ZNF554: variants seen among roughly 807,000 people sequenced by gnomAD.
ZNF554 encodes the protein zinc finger protein 554.
In ZNF554, 15 loss-of-function variants were observed where a neutral mutation model predicts 21.2. The ratio of observed to expected loss-of-function variants is 0.71; its 90% CI spans 0.47 to 1.09. ZNF554 has a LOEUF of 1.09. Among genes scored for constraint, ZNF554 ranks in the 50% least tolerant of loss-of-function variants. The probability of loss-of-function intolerance (pLI) is 0.00; values close to 1 mark genes in which losing one functional copy is unlikely to be tolerated. For synonymous variants in ZNF554, 258 were observed against 251.4 expected (o/e 1.03, Z -0.25); for missense variants, 691 against 662.7 (o/e 1.04, Z -0.47).
rs1028333061 is a variant in ZNF554, at chr19:2,821,811, A to G, written c.54-1229A>G. Among the ~76,000 whole-genome samples, 2 of 151,632 alleles carry G rather than the reference A, an allele frequency of 1.3e-5. No homozygotes were observed. Among genetic ancestry groups the G allele is most frequent in the Admixed American group, 6.6e-5 (1 of 15,234 alleles). On this transcript the variant is annotated intron_variant, in intron 1 of 4. Coordinates refer to ENST00000317243, the MANE Select transcript of ZNF554 (RefSeq NM_001102651.2). This position sits in a 1 kb window ranked among gnomAD's most constrained non-coding sequence, Gnocchi z 8.2. Reference sequence around the variant, plus strand: ...CTCGAGTAGCTGGGATTACAGGTGCACGCCACCACACCCAGCTAATTTTTG... The same window carrying G: ...CTCGAGTAGCTGGGATTACAGGTGCGCGCCACCACACCCAGCTAATTTTTG...
rs75805232 is a variant in ZNF554 at position 2,826,205 on chromosome 19, CT to C, written c.127-1395del. The C allele has an allele frequency of 5.2e-3, 484 of 93,766 alleles. 9 individuals carry two copies. The highest frequency in any genetic ancestry group is 0.018 in the African/African-American group (418 of 23,458). 5.8% of individuals were successfully genotyped at this position (93,766 alleles called of 1,614,324 possible). On this transcript the variant is annotated intron_variant, in intron 2 of 4. Transcript: ENST00000317243. ...GTGAGCCACCGTGCCCAGCCAGTAA[CT>C]TTTTTTTTTTTTTTTTGAAATGGAG...
intron 2 of ZNF554, among the ~76,000 whole-genome samples, chr19:2,826,625 C>T (rs1161360995): frequency 6.6e-6 from 1 of 151,906 alleles, no homozygotes; most frequent in African/African-American, 2.4e-5. Context: ...AAAGCTTTTG[C>T]CATATTTCAG....
At chr19:2,820,627 G>A (rs1290491076) in intron 1 of ZNF554, among the ~76,000 whole-genome samples, 1 of 151,216 alleles carries the variant, frequency 6.6e-6, no homozygotes, top group African/African-American at 2.4e-5. Context: ...GCGCCCTGAG[G>A]GAGAGACCTC....
In ZNF554 at chr19:2,834,471, CTG is replaced by C. The variant is rs2087470208; in HGVS notation, c.1239_1240del (p.Cys413TrpfsTer27). Reference sequence around the variant, plus strand: ...GGGAAAAGCCCTATAAATGTGAAGACTGTGGGAAATCCTTCTGCCAGAGCTCT... The same window carrying C: ...GGGAAAAGCCCTATAAATGTGAAGACTGGGAAATCCTTCTGCCAGAGCTCT... ...TGEKPYKCED[C>X]GKSFCQSSYL... On this transcript the variant is annotated frameshift_variant, in exon 5 of 5. Transcript: ENST00000317243. LOFTEE classifies it low-confidence loss of function (END_TRUNC). The C allele has an allele frequency of 3.7e-6, 6 of 1,614,046 alleles. No homozygotes were observed. The highest frequency in any genetic ancestry group is 4.5e-5 in the East Asian group (2 of 44,882).
chr19:2,820,822 G>A (rs369431300), intron 1 of ZNF554, among the ~76,000 whole-genome samples: 9 of 150,636 alleles, frequency 6.0e-5, no homozygotes, highest in Non-Finnish European at 8.8e-5. Context: ...ATGCCACCAC[G>A]CCCGGCTAAT....
chr19:2,820,243 C>G lies in ZNF554; in HGVS notation c.53+119C>G, dbSNP rs187255322. Reference sequence around the variant, plus strand: ...TGACCCTGTCGCGATAGGGTCCCCACGGGAGGGTCGGGAGCCGGCAGCTCG... The same window carrying G: ...TGACCCTGTCGCGATAGGGTCCCCAGGGGAGGGTCGGGAGCCGGCAGCTCG... On this transcript the variant is annotated intron_variant, in intron 1 of 4. Transcript: ENST00000317243. The G allele has an allele frequency of 9.9e-5, 91 of 919,510 alleles. No individual in the cohort carries two copies. The African/African-American group carries it at 1.6e-3, about 16-fold the overall frequency. 57.0% of individuals were successfully genotyped at this position (919,510 alleles called of 1,614,324 possible).
intron 1 of ZNF554, among the ~76,000 whole-genome samples, chr19:2,820,853 C>T (rs949214293): frequency 6.6e-6 from 1 of 150,594 alleles, no homozygotes; most frequent in Non-Finnish European, 1.5e-5. Context: ...TTAGTAGAGA[C>T]GGGGTTTCAC....
In ZNF554 at chr19:2,819,987, C is replaced by G; in HGVS notation, c.-85C>G. The G allele has an allele frequency of 9.3e-7, 1 of 1,075,250 alleles. No homozygotes were observed. Among genetic ancestry groups the G allele is most frequent in the Non-Finnish European group, 1.2e-6 (1 of 857,808 alleles). The allele number at this position is 1,075,250 out of a possible 1,614,324, so 66.6% of individuals were successfully genotyped here. A position where few individuals can be genotyped will look rare whatever the true frequency, so the allele number is the denominator to read the frequency against. Reference sequence around the variant, plus strand: ...CGAGGAGCCGAGCGGAGGAGGCGTCCCAGGGACACGCAGGGGAGGCCGGCC... The same window carrying G: ...CGAGGAGCCGAGCGGAGGAGGCGTCGCAGGGACACGCAGGGGAGGCCGGCC... On this transcript the variant is annotated 5_prime_UTR_variant, in exon 1 of 5. Coordinates refer to ENST00000317243, the MANE Select transcript of ZNF554 (RefSeq NM_001102651.2).
chr19:2,830,831 T>C (rs1000213156), intron 3 of ZNF554: 1 of 152,154 alleles, frequency 6.6e-6, no homozygotes, highest in Non-Finnish European at 1.5e-5. Flanking sequence ...TGGTACAATC[T>C]AGGCTCACCA....
At position 2,834,552 on chromosome 19, in the gene ZNF554, T is replaced by G. The variant is rs367579691; in HGVS notation, c.1317T>G (p.Ser439Arg). ...THTGEKPYEC[S>R]ECGKAFSDRS... is the part of the protein sequence containing the mutation. ...CCGGAGAGAAGCCCTACGAATGCAG[T>G]GAATGTGGAAAGGCCTTCAGTGACC... Residue 439 changes from serine to arginine, a missense_variant, in exon 5 of 5, where the codon AGT becomes AGG. Ser to Arg is a moderately radical substitution (Grantham distance 110). Transcript: ENST00000317243. 1 of 1,613,922 alleles carries G rather than the reference T, an allele frequency of 6.2e-7. No homozygotes were observed. Among genetic ancestry groups the G allele is most frequent in the East Asian group, 2.2e-5 (1 of 44,864 alleles).
chr19:2,825,108 G>A (rs1020283772), intron 2 of ZNF554, among the ~76,000 whole-genome samples: 8 of 146,060 alleles, frequency 5.5e-5, no homozygotes, highest in African/African-American at 2.0e-4. Context: ...TGCCGCCCAA[G>A]CTCAAGCTAT....
Position 2,819,974 on chromosome 19 carries a change from C to T in ZNF554, c.-98C>T. On this transcript the variant is annotated 5_prime_UTR_variant, in exon 1 of 5. Coordinates refer to ENST00000317243, the MANE Select transcript of ZNF554 (RefSeq NM_001102651.2). The stretch of plus-strand genomic sequence containing the variant: ...CCGCTCCGAGCGCCGAGGAGCCGAG[C>T]GGAGGAGGCGTCCCAGGGACACGCA... The T allele has an allele frequency of 4.1e-6, 4 of 980,472 alleles. No homozygotes were observed. The highest frequency in any genetic ancestry group is 5.2e-6 in the Non-Finnish European group (4 of 772,724). 60.7% of individuals were successfully genotyped at this position (980,472 alleles called of 1,614,324 possible).
At chr19:2,827,277 C>A (rs1052087325) in intron 2 of ZNF554, among the ~76,000 whole-genome samples, 1 of 152,150 alleles carries the variant, frequency 6.6e-6, no homozygotes, top group African/African-American at 2.4e-5. Flanking sequence ...TCCATGACAT[C>A]CATTCATTTT....
In ZNF554 at chr19:2,836,317, C is replaced by A. The variant is rs2012992; in HGVS notation, c.*1465C>A. Among the ~76,000 whole-genome samples, 4 of 151,160 alleles carry A rather than the reference C, an allele frequency of 2.6e-5. No individual in the cohort carries two copies. The highest frequency in any genetic ancestry group is 5.9e-5 in the Non-Finnish European group (4 of 67,636). On this transcript the variant is annotated 3_prime_UTR_variant, in exon 5 of 5. Coordinates refer to ENST00000317243, the MANE Select transcript of ZNF554 (RefSeq NM_001102651.2). ...GCTGGGATTACAGGTGTGAGCCACC[C>A]TGCTGGGATTATGGGTGCGAGCCGC...
Position 2,821,028 on chromosome 19 carries a change from G to T in ZNF554, c.53+904G>T, listed in dbSNP as rs754712404. Reference sequence around the variant, plus strand: ...AATGAGGGAGGCAGCTGACCTTTCTGCTGCTCTAGCAACCCCAACCTCCCT... The same window carrying T: ...AATGAGGGAGGCAGCTGACCTTTCTTCTGCTCTAGCAACCCCAACCTCCCT... On this transcript the variant is annotated intron_variant, in intron 1 of 4. Transcript: ENST00000317243. The surrounding 1 kb of genome is among the most constrained non-coding windows in gnomAD (Gnocchi z 8.2). Among the ~76,000 whole-genome samples, 13 of 151,574 alleles carry T rather than the reference G, an allele frequency of 8.6e-5. No individual in the cohort carries two copies. The highest frequency in any genetic ancestry group is 2.6e-4 in the Admixed American group (4 of 15,242).
chr19:2,827,863 G>T, intron 3 of ZNF554, 120 bp downstream of exon 3: 1 of 1,286,926 alleles, frequency 7.8e-7, no homozygotes, highest in Non-Finnish European at 1.1e-6. Flanking sequence ...AGGAAAGGGG[G>T]TTTAATGGAC....
Position 2,832,133 on chromosome 19 carries a change from C to T in ZNF554, c.254-170C>T, listed in dbSNP as rs552171337. ...TAGAGATGGGGTTTTACCATGTTGG[C>T]CAGGCTGGTCTCAAACTCCTGACCT... On this transcript the variant is annotated intron_variant, in intron 3 of 4. Coordinates refer to ENST00000317243, the MANE Select transcript of ZNF554 (RefSeq NM_001102651.2). 3.8e-4 allele frequency: 196 copies of T among 513,456 alleles called. 1 individual carries two copies. The highest frequency in any genetic ancestry group is 3.7e-3 in the African/African-American group (187 of 50,960). 31.8% of individuals were successfully genotyped at this position (513,456 alleles called of 1,614,324 possible). A position where few individuals can be genotyped will look rare whatever the true frequency, so the allele number is the denominator to read the frequency against.
chr19:2,826,661 CCT>C (rs1438189422), intron 2 of ZNF554, among the ~76,000 whole-genome samples: 1 of 150,874 alleles, frequency 6.6e-6, no homozygotes, highest in Non-Finnish European at 1.5e-5. Context: ...GTAGCAGATT[CCT>C]CTTTTTTTTT....
rs1468944939 is a variant in ZNF554, at chr19:2,821,249, G to A, written c.53+1125G>A. On this transcript the variant is annotated intron_variant, in intron 1 of 4. Coordinates refer to ENST00000317243, the MANE Select transcript of ZNF554 (RefSeq NM_001102651.2). This position sits in a 1 kb window ranked among gnomAD's most constrained non-coding sequence, Gnocchi z 8.2. ...TTACAGGTGCACGCCACCCCGCCTG[G>A]CTAATTTTTATATTTTTAGTAGATA... 2.0e-5 allele frequency among the ~76,000 whole-genome samples: 3 copies of A among 151,666 alleles called. No homozygotes were observed. Among genetic ancestry groups the A allele is most frequent in the African/African-American group, 7.3e-5 (3 of 41,048 alleles).
Sources: allele counts gnomAD v4.1 joint callset (sites outside exome capture counted in the v4.1 genomes callset), GRCh38; gene constraint gnomAD v4.1.1; non-coding constraint Gnocchi (gnomAD v3.1); transcripts MANE v1.5; gene names NCBI Gene and HGNC (gene_info 2026-07-23, HGNC 2026-07-21).